The following PPP4R1 variants were observed in gnomAD, a reference collection of about 807,000 sequenced individuals.
PPP4R1 encodes serine/threonine-protein phosphatase 4 regulatory subunit 1.
Under a neutral mutation model 111.2 loss-of-function variants are expected in PPP4R1, and 42 were observed. That is an observed-to-expected ratio of 0.38 (90% confidence interval 0.29 to 0.49). The LOEUF (loss-of-function observed/expected upper bound fraction) is 0.49, where lower values mean the gene tolerates loss of function less well. Among genes scored for constraint, PPP4R1 ranks in the 20% least tolerant of loss-of-function variants. The pLI is 0.97. For synonymous variants in PPP4R1, 409 were observed against 405.5 expected (o/e 1.01, Z -0.10); for missense variants, 1,012 against 1,161.6 (o/e 0.87, Z 1.87).
At chr18:9,572,397 G>A (rs540852538) in intron 10 of PPP4R1, among the ~76,000 whole-genome samples, 1 of 152,308 alleles carries the variant, frequency 6.6e-6, no homozygotes, top group Admixed American at 6.5e-5. Context: ...GAGACACAGA[G>A]ATTGATGAAA....
intron 6 of PPP4R1, 36 bp downstream of exon 6, chr18:9,588,053 C>T (rs1447265971): frequency 6.2e-7 from 1 of 1,612,192 alleles, no homozygotes; most frequent in South Asian, 1.1e-5. Flanking sequence ...TTATCAGCCA[C>T]ATTTTGCATA....
intron 2 of PPP4R1, among the ~76,000 whole-genome samples, chr18:9,612,919 T>C (rs2067606758): frequency 6.6e-6 from 1 of 152,244 alleles, no homozygotes; most frequent in Non-Finnish European, 1.5e-5. Context: ...ATTACTCGTT[T>C]CAGATAATCC....
At chr18:9,610,653 A>G (rs547033745) in intron 2 of PPP4R1, among the ~76,000 whole-genome samples, 10 of 151,720 alleles carry the variant, frequency 6.6e-5, no homozygotes, top group South Asian at 4.2e-4. Flanking sequence ...TTCAGTAGAC[A>G]TTTCACCATG....
intron 10 of PPP4R1, among the ~76,000 whole-genome samples, chr18:9,574,915 G>GA (rs1190473959): frequency 6.6e-6 from 1 of 152,146 alleles, no homozygotes; most frequent in Non-Finnish European, 1.5e-5. Context: ...ATGTGATAAC[G>GA]AATGCTTATT....
Position 9,547,351 on chromosome 18 carries a change from T to A in PPP4R1, c.*438A>T, listed in dbSNP as rs2066416530. The A allele has an allele frequency of 6.0e-6, 1 of 166,342 alleles. No homozygotes were observed. 10.3% of individuals were successfully genotyped at this position (166,342 alleles called of 1,614,324 possible). On this transcript the variant is annotated 3_prime_UTR_variant, in exon 20 of 20. Coordinates refer to ENST00000400556, the MANE Select transcript of PPP4R1 (RefSeq NM_001042388.3). ...CTTCCTGGGAGAGAAGAGTTAGGGC[T>A]GATACTGAAGGTCTCTTTCACATCT...
In PPP4R1 at chr18:9,614,245, C is replaced by A; in HGVS notation, c.33G>T (p.Leu11=). 7.3e-7 allele frequency: 1 copy of A among 1,361,804 alleles called. No individual in the cohort carries two copies. Among genetic ancestry groups the A allele is most frequent in the Admixed American group, 3.0e-5 (1 of 33,228 alleles). The allele number at this position is 1,361,804 out of a possible 1,614,324, so 84.4% of individuals were successfully genotyped here. A position where few individuals can be genotyped will look rare whatever the true frequency, so the allele number is the denominator to read the frequency against. The change falls in exon 2 of 20, where the codon CTG becomes CTT. Residue 11 remains leucine (L), a synonymous_variant. Coordinates refer to ENST00000400556, the MANE Select transcript of PPP4R1 (RefSeq NM_001042388.3). The surrounding 1 kb of genome is among the most constrained non-coding windows in gnomAD (Gnocchi z 4.1). MADLSLLQED[L]QEDADGFGVD... Reference sequence around the variant, plus strand: ...ACTCACATCCGTCTGCGTCCTCCTGCAGGTCCTCCTGAAGCAGCGAGAGGT... The same window carrying A: ...ACTCACATCCGTCTGCGTCCTCCTGAAGGTCCTCCTGAAGCAGCGAGAGGT...
chr18:9,548,859 A>G (rs1313153738), intron 19 of PPP4R1, among the ~76,000 whole-genome samples: 1 of 152,254 alleles, frequency 6.6e-6, no homozygotes, highest in Non-Finnish European at 1.5e-5. Flanking sequence ...CAGAGGTTAC[A>G]GTGAGCTGAG....
At chr18:9,589,233 C>T (rs1434210701) in intron 4 of PPP4R1, among the ~76,000 whole-genome samples, 2 of 152,166 alleles carry the variant, frequency 1.3e-5, no homozygotes, top group African/African-American at 4.8e-5. Flanking sequence ...TATTTAAGAA[C>T]CTACTAGGAC....
chr18:9,581,491 A>T (rs1366143528), intron 9 of PPP4R1, among the ~76,000 whole-genome samples: 1 of 152,170 alleles, frequency 6.6e-6, no homozygotes, highest in African/African-American at 2.4e-5. Flanking sequence ...TAATTGTTCT[A>T]TTGAAGATAG....
Position 9,561,218 on chromosome 18 carries a change from CTAATAATAATAATAATAA to C in PPP4R1, c.1842+744_1842+761del, listed in dbSNP as rs111924050. On this transcript the variant is annotated intron_variant, in intron 13 of 19. Coordinates refer to ENST00000400556, the MANE Select transcript of PPP4R1 (RefSeq NM_001042388.3). ...TGGGTGACAGAGTGAGACTCCATCT[CTAATAATAATAATAATAA>C]TAATAATAATAATAATAATAATAAT... is the stretch of plus-strand genomic sequence containing the variant. 2.9e-3 allele frequency among the ~76,000 whole-genome samples: 407 copies of C among 139,110 alleles called. 1 individual carries two copies. Among genetic ancestry groups the C allele is most frequent in the African/African-American group, 9.9e-3 (374 of 37,822 alleles). 91.3% of individuals were successfully genotyped at this position (139,110 alleles called of 152,430 possible).
At chr18:9,596,426 G>A (rs7233980) in intron 2 of PPP4R1, among the ~76,000 whole-genome samples, 34,917 of 152,040 alleles carry the variant, frequency 0.23, 4,297 homozygotes, top group Non-Finnish European at 0.26. Context: ...CATCTGGTAC[G>A]TATTAGTTGT....
At chr18:9,589,587 G>A (rs1398439237) in intron 4 of PPP4R1, among the ~76,000 whole-genome samples, 2 of 151,936 alleles carry the variant, frequency 1.3e-5, no homozygotes, top group African/African-American at 2.4e-5. Context: ...AAAATCAACC[G>A]TAAGACCAAC....
At chr18:9,602,165 T>C (rs928040884) in intron 2 of PPP4R1, among the ~76,000 whole-genome samples, 2 of 151,978 alleles carry the variant, frequency 1.3e-5, no homozygotes, top group African/African-American at 4.8e-5. Flanking sequence ...AACACAGAAA[T>C]CCAAAGTAGC....
rs576499770 is a variant in PPP4R1 at position 9,566,625 on chromosome 18, T to C, written c.1574-3075A>G. ...GAGATTGCACCACTGCACTCCAGCCTGGGTGACGGAGTGAGGCGCTGTGAC... is the reference window on the plus strand; with the variant it reads ...GAGATTGCACCACTGCACTCCAGCCCGGGTGACGGAGTGAGGCGCTGTGAC... On this transcript the variant is annotated intron_variant, in intron 11 of 19. Coordinates refer to ENST00000400556, the MANE Select transcript of PPP4R1 (RefSeq NM_001042388.3). 1.1e-4 allele frequency among the ~76,000 whole-genome samples: 17 copies of C among 150,612 alleles called. No homozygotes were observed. The South Asian group carries it at 1.7e-3, about 15-fold the overall frequency.
At chr18:9,616,607 C>G (rs1483223783), upstream of PPP4R1, among the ~76,000 whole-genome samples, 2 of 152,150 alleles carry the variant, frequency 1.3e-5, no homozygotes, top group African/African-American at 2.4e-5. Context: ...GGTGGTCTCA[C>G]CGCAACAACA....
At chr18:9,559,287 C>T (rs2066636144) in intron 14 of PPP4R1, 132 bp downstream of exon 14, 2 of 910,052 alleles carry the variant, frequency 2.2e-6, no homozygotes, top group Non-Finnish European at 3.1e-6. Context: ...TACTCTTAAG[C>T]TCTTCCATAC....
chr18:9,605,286 C>T (rs2067459758), intron 2 of PPP4R1, among the ~76,000 whole-genome samples: 1 of 152,018 alleles, frequency 6.6e-6, no homozygotes, highest in East Asian at 1.9e-4. Flanking sequence ...GGAGGAAGAT[C>T]AGGCTCTTCT....
chr18:9,553,685 G>A (rs545031814), intron 15 of PPP4R1, among the ~76,000 whole-genome samples: 2 of 152,108 alleles, frequency 1.3e-5, no homozygotes, highest in Admixed American at 6.6e-5. Flanking sequence ...ACAGTACCCC[G>A]GGCACAGCCT....
At chr18:9,553,472 T>G in intron 15 of PPP4R1, 50 bp from the exon 16 acceptor site, 1 of 1,282,198 alleles carries the variant, frequency 7.8e-7, no homozygotes, top group Non-Finnish European at 1.1e-6. Flanking sequence ...CAGACAGTAT[T>G]TCTTTTACTA....
Sources: gnomAD v4.1 joint callset for allele counts (sites outside exome capture counted in the v4.1 genomes callset) on GRCh38, gnomAD v4.1.1 for gene constraint, Gnocchi (gnomAD v3.1) non-coding constraint, MANE v1.5 for transcripts, NCBI Gene and HGNC (gene_info 2026-07-23, HGNC 2026-07-21) for gene names.